MAPT: variants seen among roughly 807,000 people sequenced by gnomAD.
MAPT encodes microtubule associated protein tau, also known as microtubule-associated protein tau.
Under a neutral mutation model 67.9 loss-of-function variants are expected in MAPT, and 34 were observed. The observed-to-expected ratio is 0.50, with a 90% CI of 0.38 to 0.67. The LOEUF is 0.67. Ranked by LOEUF, MAPT falls within the 30% of genes least tolerant of loss-of-function variation. MAPT has a pLI of 0.00. For missense variants in MAPT, 881 were observed against 1,115.2 expected (o/e 0.79, Z 2.99); for synonymous variants, 456 against 464.5 (o/e 0.98, Z 0.23).
rs2073128562 is a variant in MAPT at position 45,983,003 on chromosome 17, G to A, written c.424G>A (p.Glu142Lys). 2 of 1,448,648 alleles carry A rather than the reference G, an allele frequency of 1.4e-6. No homozygotes were observed. The highest frequency in any genetic ancestry group is 2.9e-5 in the African/African-American group (2 of 70,034). 89.7% of individuals were successfully genotyped at this position (1,448,648 alleles called of 1,614,324 possible). A position where few individuals can be genotyped will look rare whatever the true frequency, so the allele number is the denominator to read the frequency against. ...GCCGTGCCTCGGGGAGAAAGAGCCAGAAGCTCCCGTCCCGCTGACCGCGAG... is the reference window on the plus strand; with the variant it reads ...GCCGTGCCTCGGGGAGAAAGAGCCAAAAGCTCCCGTCCCGCTGACCGCGAG... ...SGPCLGEKEP[E>K]APVPLTASLP... Residue 142 changes from glutamate to lysine, a missense_variant, in exon 5 of 13, where the codon GAA (glutamate) becomes AAA (lysine). Coordinates refer to ENST00000262410, the MANE Select transcript of MAPT (RefSeq NM_001377265.1).
intron 1 of MAPT, among the ~76,000 whole-genome samples, chr17:45,958,495 G>A (rs917945842): frequency 2.0e-5 from 3 of 152,052 alleles, no homozygotes; most frequent in African/African-American, 4.8e-5. Flanking sequence ...TGAAGCAGGC[G>A]GATCACTTGA....
At chr17:45,965,242 C>T (rs948499782) in intron 2 of MAPT, among the ~76,000 whole-genome samples, 5 of 152,026 alleles carry the variant, frequency 3.3e-5, no homozygotes, top group South Asian at 2.1e-4. Context: ...CCAGCCTGGC[C>T]AACATGGTGA....
At chr17:45,993,912 T>C in intron 8 of MAPT, 1 of 1,563,918 alleles carries the variant, frequency 6.4e-7, no homozygotes, top group Non-Finnish European at 8.7e-7. Context: ...TTCGTGGATT[T>C]TTCTCTTTAA....
intron 1 of MAPT, among the ~76,000 whole-genome samples, chr17:45,903,944 A>ATTATATATTT (rs1568133162): frequency 0.019 from 291 of 15,066 alleles, 23 homozygotes; most frequent in African/African-American, 0.057. Context: ...ATTTATATAT[A>ATTATATATTT]ATATATATTA....
rs369360168 is a variant in MAPT at position 45,965,936 on chromosome 17, G to A, written c.133+3466G>A. Among the ~76,000 whole-genome samples the A allele has an allele frequency of 3.6e-4, 55 of 152,300 alleles. No homozygotes were observed. The East Asian group carries it at 4.6e-3, about 13-fold the overall frequency. On this transcript the variant is annotated intron_variant, in intron 2 of 12. Coordinates refer to ENST00000262410, the MANE Select transcript of MAPT (RefSeq NM_001377265.1). ...GACAAAGGAGCCTCATGCTCAGACC[G>A]TGGGCTGCCAGAGCAGGTCCATGGC...
At chr17:45,975,259 T>C (rs9890646) in intron 3 of MAPT, 18 of 152,438 alleles carry the variant, frequency 1.2e-4, no homozygotes, top group African/African-American at 4.1e-4. Flanking sequence ...AGAAGAGGCC[T>C]AGCCAGGATT....
chr17:46,001,634 G>T (rs1017838016), intron 9 of MAPT, among the ~76,000 whole-genome samples: 3 of 152,164 alleles, frequency 2.0e-5, no homozygotes, highest in Non-Finnish European at 4.4e-5. Context: ...CTACACCCTA[G>T]CCTGGGCAAC....
chr17:45,954,485 T>C (rs1022015051), intron 1 of MAPT, among the ~76,000 whole-genome samples: 1 of 152,154 alleles, frequency 6.6e-6, no homozygotes, highest in African/African-American at 2.4e-5. Flanking sequence ...TAGCCAGGCA[T>C]GGTGGTGCAC....
chr17:46,024,299 T>TGATTAAC lies in MAPT; in HGVS notation c.*128_*129insGATTAAC. The TGATTAAC allele has an allele frequency of 1.2e-6, 1 of 834,114 alleles. No homozygotes were observed. Among genetic ancestry groups the TGATTAAC allele is most frequent in the African/African-American group, 1.7e-5 (1 of 59,828 alleles). The allele number at this position is 834,114 out of a possible 1,614,324, so 51.7% of individuals were successfully genotyped here. On this transcript the variant is annotated 3_prime_UTR_variant, in exon 13 of 13. Coordinates refer to ENST00000262410, the MANE Select transcript of MAPT (RefSeq NM_001377265.1). The stretch of plus-strand genomic sequence containing the variant: ...CCTCGCAGTTCGGTTAATTGGTTAA[T>TGATTAAC]CACTTAACCTGCTTTTGTCACTCGG...
At chr17:45,924,341 T>G (rs928117180) in intron 1 of MAPT, among the ~76,000 whole-genome samples, 1 of 152,224 alleles carries the variant, frequency 6.6e-6, no homozygotes, top group Non-Finnish European at 1.5e-5. Context: ...CTGGAGGCTC[T>G]TTTGCTCAGT....
chr17:46,010,275 G>A lies in MAPT; in HGVS notation c.1999-35G>A, dbSNP rs371528766. ...GCGAGCAAGCAGGCGGGTCCAGGGT[G>A]GCGTGTCACTCATCCTTTTTTCTGG... is the stretch of plus-strand genomic sequence containing the variant. On this transcript the variant is annotated intron_variant, in intron 9 of 12. Transcript: ENST00000262410. The surrounding 1 kb of genome is among the most constrained non-coding windows in gnomAD (Gnocchi z 4.7). 26 of 1,426,332 alleles carry A rather than the reference G, an allele frequency of 1.8e-5. No homozygotes were observed. The highest frequency in any genetic ancestry group is 2.5e-5 in the Non-Finnish European group (26 of 1,033,474). 88.4% of individuals were successfully genotyped at this position (1,426,332 alleles called of 1,614,324 possible).
chr17:45,929,181 T>C (rs552744593), intron 1 of MAPT, among the ~76,000 whole-genome samples: 52 of 152,348 alleles, frequency 3.4e-4, no homozygotes, highest in African/African-American at 1.2e-3. Flanking sequence ...GGTAAAAATA[T>C]GTTAATTTCA....
chr17:46,022,531 CTAAAA>C (rs1005451254), intron 12 of MAPT, among the ~76,000 whole-genome samples: 2 of 152,074 alleles, frequency 1.3e-5, no homozygotes, highest in Non-Finnish European at 2.9e-5. Flanking sequence ...CCATGGACTC[CTAAAA>C]TTATATGGAA....
intron 6 of MAPT, among the ~76,000 whole-genome samples, chr17:45,989,616 A>C (rs924567845): frequency 6.6e-6 from 1 of 152,244 alleles, no homozygotes; most frequent in African/African-American, 2.4e-5. Context: ...GCACCACTGC[A>C]GTCCAGCCTG....
chr17:45,953,695 G>T (rs906213642), intron 1 of MAPT, among the ~76,000 whole-genome samples: 1 of 152,186 alleles, frequency 6.6e-6, no homozygotes, highest in Non-Finnish European at 1.5e-5. Flanking sequence ...GGATGGTGGA[G>T]GGGGAGGGGA....
Position 45,915,423 on chromosome 17 carries a change from ATG to A in MAPT, c.-18+20746_-18+20747del, listed in dbSNP as rs976342633. On this transcript the variant is annotated intron_variant, in intron 1 of 12. Coordinates refer to ENST00000262410, the MANE Select transcript of MAPT (RefSeq NM_001377265.1). The surrounding 1 kb of genome is among the most constrained non-coding windows in gnomAD (Gnocchi z 4.4). ...GCATGAGCATGTGTGTGGGCATGTG[ATG>A]TGTGTGTGGTGTGTAAGCATGTGTG... Among the ~76,000 whole-genome samples, 12 of 134,036 alleles carry A rather than the reference ATG, an allele frequency of 9.0e-5. No homozygotes were observed. Among genetic ancestry groups the A allele is most frequent in the Non-Finnish European group, 1.9e-4 (11 of 59,346 alleles). The allele number at this position is 134,036 out of a possible 152,430, so 87.9% of individuals were successfully genotyped here.
intron 1 of MAPT, among the ~76,000 whole-genome samples, chr17:45,948,764 G>GAAATT (rs1404539518): frequency 1.4e-4 from 21 of 152,212 alleles, no homozygotes; most frequent in Non-Finnish European, 2.6e-4. Context: ...GTAATAACTG[G>GAAATT]AAATGCTTCA....
chr17:45,982,352 C>T (rs2073061798), intron 4 of MAPT, among the ~76,000 whole-genome samples: 1 of 111,940 alleles, frequency 8.9e-6, no homozygotes, highest in Non-Finnish European at 1.8e-5. Context: ...GGGGCGGGGG[C>T]AGGAGAACAG....
At chr17:45,962,282 A>T in intron 1 of MAPT, 39 bp from the exon 2 acceptor site, 3 of 1,564,802 alleles carry the variant, frequency 1.9e-6, no homozygotes, top group Non-Finnish European at 2.6e-6. Flanking sequence ...CTGCCCCCCA[A>T]CACTCCTCAG....
Sources: gnomAD v4.1 joint callset for allele counts (sites outside exome capture counted in the v4.1 genomes callset) on GRCh38, gnomAD v4.1.1 for gene constraint, Gnocchi (gnomAD v3.1) non-coding constraint, MANE v1.5 for transcripts, NCBI Gene and HGNC (gene_info 2026-07-23, HGNC 2026-07-21) for gene names.